Variants in CCSER1 observed in about 807,000 individuals in gnomAD.
CCSER1 encodes the protein serine-rich coiled-coil domain-containing protein 1.
CCSER1 carries 41 observed loss-of-function variants against 82.0 expected under a neutral mutation model. That is an observed-to-expected ratio of 0.50 (90% confidence interval 0.39 to 0.65). The LOEUF (loss-of-function observed/expected upper bound fraction) is 0.65, where lower values mean the gene tolerates loss of function less well. Ranked by LOEUF, CCSER1 falls within the 30% of genes least tolerant of loss-of-function variation. CCSER1 has a pLI of 0.00. For missense variants in CCSER1, 1,119 were observed against 1,064.2 expected (o/e 1.05, Z -0.72); for synonymous variants, 414 against 383.9 (o/e 1.08, Z -0.92).
intron 10 of CCSER1, among the ~76,000 whole-genome samples, chr4:91,506,951 T>C (rs1016737663): frequency 1.1e-4 from 16 of 152,336 alleles, no homozygotes; most frequent in African/African-American, 3.8e-4. Flanking sequence ...ATTCATATTG[T>C]AGCATGTATC....
intron 7 of CCSER1, among the ~76,000 whole-genome samples, chr4:90,803,834 T>C (rs1757147673): frequency 6.6e-6 from 1 of 152,190 alleles, no homozygotes; most frequent in South Asian, 2.1e-4. Context: ...ACCAACAGTG[T>C]AAAAGTTTTC....
At chr4:90,433,463 A>G (rs1234537465) in intron 4 of CCSER1, among the ~76,000 whole-genome samples, 1 of 152,054 alleles carries the variant, frequency 6.6e-6, no homozygotes, top group Non-Finnish European at 1.5e-5. Context: ...AGTCCCCAAG[A>G]CCATTTCTAG....
rs1282185522 is a variant in CCSER1 at position 91,458,191 on chromosome 4, G to A, written c.2218-140381G>A. On this transcript the variant is annotated intron_variant, in intron 10 of 10. Coordinates refer to ENST00000509176, the MANE Select transcript of CCSER1 (RefSeq NM_001145065.2). Reference sequence around the variant, plus strand: ...TTTTTGTATATATAGAGAGATAGGGGTGTACTTTCATCCTTCTGCATATGG... The same window carrying A: ...TTTTTGTATATATAGAGAGATAGGGATGTACTTTCATCCTTCTGCATATGG... Among the ~76,000 whole-genome samples the A allele has an allele frequency of 7.9e-5, 12 of 152,152 alleles. No homozygotes were observed. The East Asian group carries it at 2.3e-3, about 29-fold the overall frequency.
intron 3 of CCSER1, among the ~76,000 whole-genome samples, chr4:90,368,061 A>G (rs574995721): frequency 3.2e-4 from 48 of 152,112 alleles, no homozygotes; most frequent in African/African-American, 1.0e-3. Context: ...TTAAACTCAA[A>G]TGCCCCTCAG....
At chr4:91,471,597 C>A (rs1217897738) in intron 10 of CCSER1, among the ~76,000 whole-genome samples, 1 of 152,128 alleles carries the variant, frequency 6.6e-6, no homozygotes, top group African/African-American at 2.4e-5. Flanking sequence ...CTCACTAGAT[C>A]TGACAGCACT....
At chr4:90,256,414 A>G (rs1461376467) in intron 1 of CCSER1, among the ~76,000 whole-genome samples, 2 of 152,186 alleles carry the variant, frequency 1.3e-5, no homozygotes, top group South Asian at 2.1e-4. Context: ...AGTGATTAAG[A>G]AACTTCAAAT....
At chr4:90,557,879 G>A (rs530525169) in intron 5 of CCSER1, among the ~76,000 whole-genome samples, 2 of 152,164 alleles carry the variant, frequency 1.3e-5, no homozygotes, top group South Asian at 4.1e-4. Context: ...TAAACAAGTT[G>A]TATTTTGATT....
intron 3 of CCSER1, among the ~76,000 whole-genome samples, chr4:90,331,160 A>G (rs1739206486): frequency 1.3e-5 from 2 of 152,232 alleles, no homozygotes; most frequent in Non-Finnish European, 2.9e-5. Context: ...TTACTGAAAC[A>G]ATAGATAAAA....
intron 9 of CCSER1, among the ~76,000 whole-genome samples, chr4:91,022,943 T>TC (rs1740138798): frequency 6.6e-6 from 1 of 152,198 alleles, no homozygotes; most frequent in Non-Finnish European, 1.5e-5. Flanking sequence ...GCAAAAATTT[T>TC]CTCCCATTCT....
intron 3 of CCSER1, among the ~76,000 whole-genome samples, chr4:90,378,793 T>C (rs1748756729): frequency 6.6e-6 from 1 of 152,220 alleles, no homozygotes; most frequent in Admixed American, 6.5e-5. Context: ...AATGTGCAGA[T>C]ACCCTAGATT....
chr4:90,689,003 G>A (rs972222959), intron 6 of CCSER1, among the ~76,000 whole-genome samples: 2 of 152,128 alleles, frequency 1.3e-5, no homozygotes, highest in Non-Finnish European at 2.9e-5. Context: ...AAGTGTTTGA[G>A]TTAAAACAGT....
chr4:90,734,915 CTT>C (rs964285045), intron 7 of CCSER1, among the ~76,000 whole-genome samples: 1 of 152,120 alleles, frequency 6.6e-6, no homozygotes, highest in Non-Finnish European at 1.5e-5. Context: ...AGACGAAAGA[CTT>C]TCAGATTTTC....
chr4:90,271,860 ATATTTTTTTTTTTTTTTTTTT>A (rs1726545088), intron 1 of CCSER1, among the ~76,000 whole-genome samples: 1 of 22,240 alleles, frequency 4.5e-5, no homozygotes, highest in African/African-American at 4.7e-4. Context: ...ATATATATAT[ATATTTTTTTTTTTTTTTTTTT>A]TTTTTTTTTA....
chr4:90,795,322 C>T (rs530709245), intron 7 of CCSER1, among the ~76,000 whole-genome samples: 8 of 149,836 alleles, frequency 5.3e-5, no homozygotes, highest in South Asian at 2.1e-4. Context: ...AAGAAATGTT[C>T]GTGATTTCTG....
intron 1 of CCSER1, among the ~76,000 whole-genome samples, chr4:90,265,228 T>C (rs933500518): frequency 2.6e-5 from 4 of 151,920 alleles, no homozygotes; most frequent in Admixed American, 2.6e-4. Flanking sequence ...TATTTTACTT[T>C]TTCTTTTGAA....
intron 3 of CCSER1, among the ~76,000 whole-genome samples, chr4:90,358,231 C>G (rs1461992239): frequency 2.0e-5 from 3 of 151,082 alleles, no homozygotes; most frequent in African/African-American, 7.3e-5. Context: ...GTCTAGTACA[C>G]ATTTATATTA....
intron 5 of CCSER1, among the ~76,000 whole-genome samples, chr4:90,605,595 C>T (rs1579423555): frequency 6.6e-6 from 1 of 152,258 alleles, no homozygotes; most frequent in Non-Finnish European, 1.5e-5. Context: ...TCCAGTAGTA[C>T]TCCAACATTA....
intron 10 of CCSER1, among the ~76,000 whole-genome samples, chr4:91,593,467 C>T (rs1424979163): frequency 2.1e-3 from 113 of 54,912 alleles, no homozygotes; most frequent in Admixed American, 3.8e-3. Context: ...CAACCCCGTG[C>T]TTTTTTTTTT....
intron 4 of CCSER1, among the ~76,000 whole-genome samples, chr4:90,418,634 C>T (rs1319394753): frequency 6.6e-6 from 1 of 151,908 alleles, no homozygotes; most frequent in Non-Finnish European, 1.5e-5. Flanking sequence ...CTCTGAGGCT[C>T]TGTAATTAGC....
Sources: allele counts gnomAD v4.1 joint callset (sites outside exome capture counted in the v4.1 genomes callset), GRCh38; gene constraint gnomAD v4.1.1; transcripts MANE v1.5; gene names NCBI Gene and HGNC (gene_info 2026-07-23, HGNC 2026-07-21).